FTO: variants seen among roughly 807,000 people sequenced by gnomAD.
FTO encodes alpha-ketoglutarate-dependent dioxygenase FTO.
Under a neutral mutation model 63.9 loss-of-function variants are expected in FTO, and 47 were observed. The ratio of observed to expected loss-of-function variants is 0.74; its 90% confidence interval spans 0.58 to 0.94. The LOEUF (loss-of-function observed/expected upper bound fraction) is 0.94, where lower values mean the gene tolerates loss of function less well. Ranked by LOEUF, FTO falls within the 40% of genes least tolerant of loss-of-function variation. The pLI is 0.00. For synonymous variants in FTO, 207 were observed against 224.4 expected, an observed-to-expected ratio of 0.92 and a Z score of 0.69; for missense variants, 562 against 618.1, an observed-to-expected ratio of 0.91 and a Z score of 0.96.
intron 7 of FTO, among the ~76,000 whole-genome samples, chr16:53,932,903 G>T (rs1420311653): frequency 6.6e-6 from 1 of 152,150 alleles, no homozygotes; most frequent in Non-Finnish European, 1.5e-5. Context: ...TCCTGGAAAA[G>T]AATCAATTTG....
At position 54,116,848 on chromosome 16, in the gene FTO, G is replaced by C. The variant is rs1451627704; in HGVS notation, c.*4933G>C. On this transcript the variant is annotated 3_prime_UTR_variant, in exon 9 of 9. Coordinates refer to ENST00000471389, the MANE Select transcript of FTO (RefSeq NM_001080432.3). ...CAAGGAGAACCACAAGTGCCCCCCA[G>C]ATCCCGGCTAGAAGGACCAGACAGC... 2 of 152,350 alleles carry C rather than the reference G, an allele frequency of 1.3e-5. No individual in the cohort carries two copies. Among genetic ancestry groups the C allele is most frequent in the African/African-American group, 4.8e-5 (2 of 41,428 alleles). 9.4% of individuals were successfully genotyped at this position (152,350 alleles called of 1,614,324 possible).
At chr16:53,731,812 A>G (rs1344431580) in intron 1 of FTO, among the ~76,000 whole-genome samples, 1 of 146,460 alleles carries the variant, frequency 6.8e-6, no homozygotes, top group Non-Finnish European at 1.5e-5. Context: ...CAGTGGCACT[A>G]TCTCGGCTCA....
chr16:54,026,299 A>G (rs1423351843), intron 8 of FTO, among the ~76,000 whole-genome samples: 2 of 152,152 alleles, frequency 1.3e-5, no homozygotes, highest in Admixed American at 1.3e-4. Context: ...TCACGGTCAC[A>G]AAAGAACTGC....
At chr16:53,834,514 T>C (rs974378333) in intron 3 of FTO, among the ~76,000 whole-genome samples, 6 of 152,174 alleles carry the variant, frequency 3.9e-5, no homozygotes, top group Non-Finnish European at 8.8e-5. Flanking sequence ...TTCTCATCTG[T>C]AAAATAGTGA....
intron 7 of FTO, among the ~76,000 whole-genome samples, chr16:53,890,946 C>T (rs1325570689): frequency 6.6e-6 from 1 of 151,986 alleles, no homozygotes; most frequent in Non-Finnish European, 1.5e-5. Flanking sequence ...AATTTGACAA[C>T]TCTGTGAATT....
chr16:53,964,049 G>A (rs887283664), intron 8 of FTO, among the ~76,000 whole-genome samples: 9 of 152,298 alleles, frequency 5.9e-5, no homozygotes, highest in African/African-American at 1.7e-4. Context: ...CACCGCGCCC[G>A]GCCTACCAAT....
chr16:53,704,648 C>T (rs1055760279), intron 1 of FTO, among the ~76,000 whole-genome samples: 1 of 152,142 alleles, frequency 6.6e-6, no homozygotes, highest in African/African-American at 2.4e-5. Flanking sequence ...CAATTGTCTC[C>T]GTGACCGGCT....
chr16:53,786,399 G>A (rs1019319885), intron 1 of FTO, among the ~76,000 whole-genome samples: 1 of 152,060 alleles, frequency 6.6e-6, no homozygotes, highest in South Asian at 2.1e-4. Context: ...AATGCAAAAT[G>A]GCAACACACA....
chr16:53,905,724 A>G (rs764007751), intron 7 of FTO, among the ~76,000 whole-genome samples: 5 of 152,156 alleles, frequency 3.3e-5, no homozygotes, highest in African/African-American at 9.7e-5. Context: ...GTGCTATTCT[A>G]TAAGCACCTT....
chr16:53,784,855 G>A (rs187278957), intron 1 of FTO, among the ~76,000 whole-genome samples: 4 of 152,182 alleles, frequency 2.6e-5, no homozygotes, highest in Admixed American at 1.3e-4. Flanking sequence ...ATGTGTCAAC[G>A]AACTCAGTTC....
At chr16:54,075,023 G>T (rs1041620671) in intron 8 of FTO, among the ~76,000 whole-genome samples, 1 of 151,344 alleles carries the variant, frequency 6.6e-6, no homozygotes, top group Non-Finnish European at 1.5e-5. Context: ...GCATTCTTTT[G>T]ATAATGAATG....
At chr16:53,882,629 G>T (rs969960711) in intron 6 of FTO, among the ~76,000 whole-genome samples, 12 of 152,284 alleles carry the variant, frequency 7.9e-5, no homozygotes, top group African/African-American at 2.4e-4. Flanking sequence ...AGGAGAAGAG[G>T]TCATAGAGGT....
chr16:53,792,397 GC>G (rs2077948101), intron 1 of FTO, among the ~76,000 whole-genome samples: 1 of 152,164 alleles, frequency 6.6e-6, no homozygotes, highest in African/African-American at 2.4e-5. Flanking sequence ...TACAGCCTGT[GC>G]TTTGGAAACA....
At chr16:53,708,712 G>A (rs759385595) in intron 1 of FTO, among the ~76,000 whole-genome samples, 7 of 152,116 alleles carry the variant, frequency 4.6e-5, no homozygotes, top group South Asian at 2.1e-4. Flanking sequence ...TATTGTAGCC[G>A]TTATAGTGGG....
intron 8 of FTO, among the ~76,000 whole-genome samples, chr16:53,952,489 G>A (rs2082823440): frequency 6.6e-6 from 1 of 152,032 alleles, no homozygotes. Context: ...AGATGACAAG[G>A]GTCAGTGGAG....
chr16:53,918,664 A>T (rs1250340972), intron 7 of FTO, among the ~76,000 whole-genome samples: 1 of 152,170 alleles, frequency 6.6e-6, no homozygotes, highest in East Asian at 1.9e-4. Flanking sequence ...CCCCTTGGTC[A>T]TCCTCCACCC....
chr16:53,775,359 A>G (rs910269072), intron 1 of FTO, among the ~76,000 whole-genome samples: 3 of 152,030 alleles, frequency 2.0e-5, no homozygotes, highest in Non-Finnish European at 4.4e-5. Flanking sequence ...CCACCTGCCT[A>G]CCTGTAACTC....
In FTO at chr16:53,795,926, TAAAG is replaced by T. The variant is rs571128298; in HGVS notation, c.46-14208_46-14205del. On this transcript the variant is annotated intron_variant, in intron 1 of 8. Transcript: ENST00000471389. ...GGAAAAATACAGATACTTTCAGATA[TAAAG>T]AAAGACCAAGAGAGTTACCATCCAT... Among the ~76,000 whole-genome samples the T allele has an allele frequency of 9.9e-4, 151 of 152,012 alleles. 2 individuals carry two copies. The highest frequency in any genetic ancestry group is 3.4e-3 in the African/African-American group (141 of 41,480).
At chr16:53,909,232 A>G (rs1459784573) in intron 7 of FTO, among the ~76,000 whole-genome samples, 1 of 152,196 alleles carries the variant, frequency 6.6e-6, no homozygotes, top group Admixed American at 6.5e-5. Flanking sequence ...ACTGTTATTA[A>G]ATTTTTTTAA....
Sources: gnomAD v4.1 joint callset for allele counts (sites outside exome capture counted in the v4.1 genomes callset) on GRCh38, gnomAD v4.1.1 for gene constraint, MANE v1.5 for transcripts, NCBI Gene and HGNC (gene_info 2026-07-23, HGNC 2026-07-21) for gene names.